Variants in HMGCLL1 observed in about 807,000 individuals in gnomAD.
HMGCLL1 encodes 3-hydroxy-3-methylglutaryl-CoA lyase like 1.
A neutral mutation model predicts 39.1 loss-of-function variants in HMGCLL1; 36 were observed. The observed-to-expected ratio is 0.92, with a 90% CI of 0.71 to 1.22. The LOEUF (loss-of-function observed/expected upper bound fraction) is 1.22. HMGCLL1 is among the 50% of genes most tolerant of loss of function. HMGCLL1 has a pLI of 0.00. For missense variants in HMGCLL1, 451 were observed against 416.5 expected, an observed-to-expected ratio of 1.08 and a Z score of -0.72; for synonymous variants, 149 against 144.0, an observed-to-expected ratio of 1.03 and a Z score of -0.25.
intron 1 of HMGCLL1, among the ~76,000 whole-genome samples, chr6:55,546,269 G>A (rs1769969430): frequency 6.6e-6 from 1 of 151,984 alleles, no homozygotes; most frequent in African/African-American, 2.4e-5. Flanking sequence ...ATCTACTCAA[G>A]AGACTTCTGA....
At chr6:55,451,438 C>T (rs981024100) in intron 7 of HMGCLL1, among the ~76,000 whole-genome samples, 1 of 152,034 alleles carries the variant, frequency 6.6e-6, no homozygotes, top group African/African-American at 2.4e-5. Flanking sequence ...GCCTGGCCAA[C>T]ATGGCAAAAC....
the HMGCLL1 span, among the ~76,000 whole-genome samples, chr6:55,615,180 TAAAAAGAAAAAGA>T: frequency 6.6e-6 from 1 of 150,946 alleles, no homozygotes; most frequent in Non-Finnish European, 1.5e-5. Flanking sequence ...TTTATAAAAG[TAAAAAGAAAAAGA>T]AAAAAGAGGG....
the HMGCLL1 span, among the ~76,000 whole-genome samples, chr6:55,608,395 G>A: frequency 0.04 from 6,144 of 152,144 alleles, 169 homozygotes; most frequent in Middle Eastern, 0.099. Context: ...TTTCGCCCTT[G>A]CCCTGGTCCA....
intron 7 of HMGCLL1, among the ~76,000 whole-genome samples, chr6:55,484,785 T>C (rs1207105792): frequency 1.3e-5 from 2 of 152,208 alleles, no homozygotes; most frequent in Non-Finnish European, 2.9e-5. Context: ...TCCTGGACTA[T>C]TGCAATTGCA....
chr6:55,624,658 G>A, the HMGCLL1 span, among the ~76,000 whole-genome samples: 2 of 152,312 alleles, frequency 1.3e-5, no homozygotes, highest in Admixed American at 1.3e-4. Context: ...TTATTGGTGA[G>A]ATATTTGCAT....
At chr6:55,509,426 C>T (rs2127433299) in intron 5 of HMGCLL1, among the ~76,000 whole-genome samples, 1 of 151,898 alleles carries the variant, frequency 6.6e-6, no homozygotes, top group Non-Finnish European at 1.5e-5. Context: ...AACAAGACTG[C>T]TATTATCTTC....
chr6:55,543,896 T>C (rs534372588), intron 1 of HMGCLL1, among the ~76,000 whole-genome samples: 3 of 151,986 alleles, frequency 2.0e-5, no homozygotes, highest in Admixed American at 2.0e-4. Context: ...CTCTTTAAGT[T>C]AAAAGACTAT....
At chr6:55,490,927 C>A (rs565669526) in intron 7 of HMGCLL1, among the ~76,000 whole-genome samples, 19 of 151,968 alleles carry the variant, frequency 1.3e-4, no homozygotes, top group Admixed American at 7.9e-4. Context: ...ACAATCCAAC[C>A]ACTTGTAAAA....
chr6:55,543,353 T>TATAA (rs1561951114), intron 1 of HMGCLL1, among the ~76,000 whole-genome samples: 1 of 8,592 alleles, frequency 1.2e-4, no homozygotes, highest in Non-Finnish European at 2.8e-4. Flanking sequence ...ATATATAATA[T>TATAA]GATATATTAT....
intron 5 of HMGCLL1, among the ~76,000 whole-genome samples, chr6:55,499,790 A>T (rs564720601): frequency 9.1e-4 from 139 of 152,130 alleles, no homozygotes; most frequent in African/African-American, 3.2e-3. Context: ...AACTGGGCAT[A>T]GCCTCAGAGT....
chr6:55,573,816 C>A (rs1771634838), intron 1 of HMGCLL1, among the ~76,000 whole-genome samples: 1 of 151,992 alleles, frequency 6.6e-6, no homozygotes, highest in African/African-American at 2.4e-5. Flanking sequence ...TGAAACCCAA[C>A]AAACATCAAG....
intron 1 of HMGCLL1, among the ~76,000 whole-genome samples, chr6:55,568,259 G>T (rs1388613775): frequency 6.6e-6 from 1 of 152,148 alleles, no homozygotes; most frequent in Non-Finnish European, 1.5e-5. Flanking sequence ...GAAAAAGGGA[G>T]ATTGTCCAAA....
At chr6:55,498,371 TG>T in intron 6 of HMGCLL1, among the ~76,000 whole-genome samples, 1 of 152,216 alleles carries the variant, frequency 6.6e-6, no homozygotes, top group Middle Eastern at 3.4e-3. Flanking sequence ...AAGGGTCTTG[TG>T]TAAATAATAG....
intron 3 of HMGCLL1, among the ~76,000 whole-genome samples, chr6:55,539,101 C>A (rs185952670): frequency 6.6e-6 from 1 of 152,064 alleles, no homozygotes; most frequent in Admixed American, 6.6e-5. Context: ...GCTATATGGA[C>A]AAAGAGGCAG....
chr6:55,436,917 C>T (rs1237025737), intron 8 of HMGCLL1, among the ~76,000 whole-genome samples: 1 of 151,908 alleles, frequency 6.6e-6, no homozygotes, highest in East Asian at 1.9e-4. Context: ...TTGGTTTTGT[C>T]GTGGTAACGG....
chr6:55,511,116 A>G (rs917299477), intron 5 of HMGCLL1, among the ~76,000 whole-genome samples: 4 of 152,220 alleles, frequency 2.6e-5, no homozygotes, highest in Admixed American at 2.0e-4. Flanking sequence ...AAAGGAAAAT[A>G]ATCACATTTG....
the HMGCLL1 span, among the ~76,000 whole-genome samples, chr6:55,639,994 C>T: frequency 1.3e-5 from 2 of 152,078 alleles, no homozygotes; most frequent in Non-Finnish European, 2.9e-5. Context: ...AGGAGAATAG[C>T]TTGAACTCGG....
At chr6:55,524,310 A>T (rs1274054012) in intron 3 of HMGCLL1, among the ~76,000 whole-genome samples, 1 of 151,776 alleles carries the variant, frequency 6.6e-6, no homozygotes, top group Non-Finnish European at 1.5e-5. Context: ...TGCTCACTTA[A>T]ATTTTTAAAA....
At chr6:55,668,878 C>T in the HMGCLL1 span, among the ~76,000 whole-genome samples, 2 of 151,754 alleles carry the variant, frequency 1.3e-5, no homozygotes, top group Admixed American at 1.3e-4. Context: ...TGGCCAGCAA[C>T]AGGAATCAGT....
Sources: allele counts gnomAD v4.1 joint callset (sites outside exome capture counted in the v4.1 genomes callset), GRCh38; gene constraint gnomAD v4.1.1; transcripts MANE v1.5; gene names NCBI Gene and HGNC (gene_info 2026-07-23, HGNC 2026-07-21).